Variants in POLR3E observed in about 807,000 individuals in gnomAD.
POLR3E encodes the protein RNA polymerase III subunit E, also known as DNA-directed RNA polymerase III subunit RPC5.
POLR3E carries 41 observed loss-of-function variants against 96.6 expected under a neutral mutation model. The ratio of observed to expected loss-of-function variants is 0.42; its 90% CI spans 0.33 to 0.55. The LOEUF (loss-of-function observed/expected upper bound fraction) is 0.55, where lower values mean the gene tolerates loss of function less well. Ranked by LOEUF, POLR3E falls within the 20% of genes least tolerant of loss-of-function variation. The pLI, the probability that POLR3E is intolerant of heterozygous loss-of-function variation, is 0.06. For synonymous variants in POLR3E, 396 were observed against 383.6 expected (o/e 1.03, Z -0.38); for missense variants, 849 against 952.1 (o/e 0.89, Z 1.43).
At chr16:22,326,509 G>A in intron 18 of POLR3E, 1 of 586,194 alleles carries the variant, frequency 1.7e-6, no homozygotes, top group Non-Finnish European at 3.1e-6. Flanking sequence ...GGTGTCTGAA[G>A]GCCCGGCCTA....
intron 9 of POLR3E, 77 bp from the exon 10 acceptor site, chr16:22,316,524 C>G: frequency 1.8e-6 from 2 of 1,101,998 alleles, no homozygotes; most frequent in Non-Finnish European, 2.7e-6. Flanking sequence ...GAGTGGAAGA[C>G]GGGAGGCCTT....
At chr16:22,303,270 C>T (rs773957441) in intron 2 of POLR3E, among the ~76,000 whole-genome samples, 4 of 152,094 alleles carry the variant, frequency 2.6e-5, no homozygotes, top group East Asian at 1.9e-4. Context: ...TGCACCCTCC[C>T]GTGCCTCTCT....
intron 19 of POLR3E, among the ~76,000 whole-genome samples, chr16:22,330,527 T>G (rs2048714692): frequency 6.6e-6 from 1 of 152,190 alleles, no homozygotes; most frequent in African/African-American, 2.4e-5. Flanking sequence ...CTTGTGTAAT[T>G]TTCTGAACAC....
At chr16:22,331,951 T>TA in intron 19 of POLR3E, 109 bp from the exon 20 acceptor site, 1 of 1,123,474 alleles carries the variant, frequency 8.9e-7, no homozygotes, top group Non-Finnish European at 1.3e-6. Flanking sequence ...TGAGGGTTTT[T>TA]ATCAGAGACT....
At chr16:22,323,059 C>A (rs1567325354) in intron 14 of POLR3E, 128 bp downstream of exon 14, 1 of 634,472 alleles carries the variant, frequency 1.6e-6, no homozygotes, top group Non-Finnish European at 2.8e-6. Flanking sequence ...GAGGCCCTGG[C>A]CTCTGCCTTT....
chr16:22,333,874 G>A lies in POLR3E; in HGVS notation c.*174G>A. On this transcript the variant is annotated 3_prime_UTR_variant, in exon 21 of 21. Coordinates refer to ENST00000299853, the MANE Select transcript of POLR3E (RefSeq NM_018119.4). ...AGGGATTATCCTCAGCCAGTCGCAG[G>A]GTCAGCTTAAGTTAGTTAGATCACT... 1.8e-6 allele frequency: 1 copy of A among 552,374 alleles called. No homozygotes were observed. Among genetic ancestry groups the A allele is most frequent in the South Asian group, 2.7e-5 (1 of 37,724 alleles). The allele number at this position is 552,374 out of a possible 1,614,324, so 34.2% of individuals were successfully genotyped here.
chr16:22,320,968 A>G (rs752250562), intron 13 of POLR3E, among the ~76,000 whole-genome samples: 1 of 151,972 alleles, frequency 6.6e-6, no homozygotes, highest in African/African-American at 2.4e-5. Flanking sequence ...TTGGTTTTCT[A>G]CGGGTTCGTT....
At chr16:22,299,087 G>C in intron 1 of POLR3E, 1 of 456,050 alleles carries the variant, frequency 2.2e-6, no homozygotes, top group Non-Finnish European at 4.4e-6. Flanking sequence ...CAGAGATGTG[G>C]TAGGGCCTGG....
intron 10 of POLR3E, 114 bp from the exon 11 acceptor site, chr16:22,316,881 G>A: frequency 1.7e-6 from 2 of 1,178,974 alleles, no homozygotes; most frequent in Non-Finnish European, 2.5e-6. Flanking sequence ...GGCTGCTGGG[G>A]GAGGGCGGGG....
Position 22,322,782 on chromosome 16 carries a change from C to A in POLR3E, c.987-68C>A. Reference sequence around the variant, plus strand: ...GAAAGAAGCATGGACTGGGGCTTGGCCGGGAGGGGTAGCGGTAGAGGGGGC... The same window carrying A: ...GAAAGAAGCATGGACTGGGGCTTGGACGGGAGGGGTAGCGGTAGAGGGGGC... On this transcript the variant is annotated intron_variant, in intron 13 of 20. Coordinates refer to ENST00000299853, the MANE Select transcript of POLR3E (RefSeq NM_018119.4). This position sits in a 1 kb window ranked among gnomAD's most constrained non-coding sequence, Gnocchi z 5.2. The A allele has an allele frequency of 8.9e-7, 1 of 1,119,308 alleles. No homozygotes were observed. Among genetic ancestry groups the A allele is most frequent in the Non-Finnish European group, 1.3e-6 (1 of 744,800 alleles). 69.3% of individuals were successfully genotyped at this position (1,119,308 alleles called of 1,614,324 possible). A position where few individuals can be genotyped will look rare whatever the true frequency, so the allele number is the denominator to read the frequency against.
chr16:22,329,091 G>GAA (rs200438689), intron 19 of POLR3E: 73 of 136,532 alleles, frequency 5.3e-4, no homozygotes, highest in East Asian at 1.5e-3. Flanking sequence ...GTCTCAGAAA[G>GAA]AAAAAAAAAA....
At chr16:22,315,514 C>A (rs559892311) in intron 9 of POLR3E, among the ~76,000 whole-genome samples, 5 of 152,220 alleles carry the variant, frequency 3.3e-5, no homozygotes, top group African/African-American at 1.2e-4. Flanking sequence ...GCAGCCCAGG[C>A]CCTAAACGCA....
intron 14 of POLR3E, among the ~76,000 whole-genome samples, chr16:22,323,205 C>T (rs552427038): frequency 6.6e-6 from 1 of 152,206 alleles, no homozygotes; most frequent in Admixed American, 6.5e-5. Context: ...CCTTGGTTGT[C>T]AGATTTTATA....
In POLR3E at chr16:22,328,495, CT is replaced by C; in HGVS notation, c.1867-14del. The C allele has an allele frequency of 1.2e-6, 2 of 1,611,964 alleles. No individual in the cohort carries two copies. The highest frequency in any genetic ancestry group is 1.7e-6 in the Non-Finnish European group (2 of 1,178,060). On this transcript the variant is annotated splice_polypyrimidine_tract_variant and intron_variant, in intron 18 of 20. Coordinates refer to ENST00000299853, the MANE Select transcript of POLR3E (RefSeq NM_018119.4). Reference sequence around the variant, plus strand: ...GTAGAGATGGACAAGCAACTCACCCCTGGGCCTTGGTCAGTTTCCCCCCCAG... The same window carrying C: ...GTAGAGATGGACAAGCAACTCACCCCGGGCCTTGGTCAGTTTCCCCCCCAG...
At chr16:22,301,102 A>G (rs2048010593) in intron 1 of POLR3E, among the ~76,000 whole-genome samples, 1 of 142,654 alleles carries the variant, frequency 7.0e-6, no homozygotes, top group African/African-American at 2.5e-5. Flanking sequence ...CTTAGCCACA[A>G]GGTGACATTT....
At chr16:22,317,983 G>A (rs1020508459) in intron 12 of POLR3E, among the ~76,000 whole-genome samples, 5 of 152,046 alleles carry the variant, frequency 3.3e-5, no homozygotes, top group Non-Finnish European at 7.4e-5. Flanking sequence ...GAATGGAGCC[G>A]CAGAACCTGG....
intron 3 of POLR3E, among the ~76,000 whole-genome samples, chr16:22,306,883 G>A (rs1393333460): frequency 6.6e-6 from 1 of 152,188 alleles, no homozygotes; most frequent in Non-Finnish European, 1.5e-5. Context: ...GGCCTTCACG[G>A]GCACGGAGGC....
intron 10 of POLR3E, 123 bp downstream of exon 10, chr16:22,316,809 C>T: frequency 1.0e-6 from 1 of 1,002,228 alleles, no homozygotes. Flanking sequence ...CCCATTGTCC[C>T]CTGGAGAAGG....
At position 22,313,636 on chromosome 16, in the gene POLR3E, A is replaced by G. The variant is rs1364031799; in HGVS notation, c.381A>G (p.Thr127=). The G allele has an allele frequency of 1.4e-5, 22 of 1,613,232 alleles. No individual in the cohort carries two copies. The highest frequency in any genetic ancestry group is 1.8e-5 in the Non-Finnish European group (21 of 1,179,346). ...CTCCGCCAGGTGAGCTCCACCTGAC[A>G]CCTTTACATGGCATCCTGCAGCTGC... ...ALYRQGELHL[T]PLHGILQLRP... The change falls in exon 7 of 21, where the codon ACA becomes ACG. Residue 127 remains threonine (T), a synonymous_variant. Transcript: ENST00000299853. The surrounding 1 kb of genome is among the most constrained non-coding windows in gnomAD (Gnocchi z 4.1).
Sources: gnomAD v4.1 joint callset for allele counts (sites outside exome capture counted in the v4.1 genomes callset) on GRCh38, gnomAD v4.1.1 for gene constraint, Gnocchi (gnomAD v3.1) non-coding constraint, MANE v1.5 for transcripts, NCBI Gene and HGNC (gene_info 2026-07-23, HGNC 2026-07-21) for gene names.